PDPN: variants seen among roughly 807,000 people sequenced by gnomAD.
PDPN encodes the protein podoplanin, also known as PA2.26 antigen.
PDPN carries 12 observed loss-of-function variants against 23.2 expected under a neutral mutation model. The ratio of observed to expected loss-of-function variants is 0.52; its 90% CI spans 0.33 to 0.84. The LOEUF is 0.84. Ranked by LOEUF, PDPN falls within the 40% of genes least tolerant of loss-of-function variation. The pLI is 0.02. For missense variants in PDPN, 199 were observed against 212.2 expected, an observed-to-expected ratio of 0.94 and a Z score of 0.39; for synonymous variants, 77 against 76.7, an observed-to-expected ratio of 1.00 and a Z score of -0.02.
At chr1:13,613,656 A>T (rs371984942) in intron 3 of PDPN, 31 bp from the exon 4 acceptor site, 34 of 1,116,856 alleles carry the variant, frequency 3.0e-5, no homozygotes, top group Non-Finnish European at 4.6e-5. Flanking sequence ...AACCCTAATA[A>T]TTCTACATTA....
chr1:13,610,908 T>C (rs958167473), intron 3 of PDPN, among the ~76,000 whole-genome samples: 3 of 152,352 alleles, frequency 2.0e-5, no homozygotes, highest in Middle Eastern at 3.4e-3. Flanking sequence ...CTTGAGTTCA[T>C]GTCTGCATGC....
chr1:13,615,878 G>A (rs762594872), intron 5 of PDPN, 27 bp from the exon 6 acceptor site: 13 of 1,608,848 alleles, frequency 8.1e-6, no homozygotes, highest in Admixed American at 6.7e-5. Context: ...TAAGAGACAC[G>A]ACCGTCACCC....
At chr1:13,610,318 A>G in intron 2 of PDPN, 69 bp from the exon 3 acceptor site, 1 of 1,348,474 alleles carries the variant, frequency 7.4e-7, no homozygotes, top group African/African-American at 1.5e-5. Flanking sequence ...ATCCTTTTAT[A>G]AGGCAGGGGA....
At position 13,607,315 on chromosome 1, in the gene PDPN, C is replaced by T. The variant is rs1640816889; in HGVS notation, c.201+9C>T. 6.2e-7 allele frequency: 1 copy of T among 1,610,678 alleles called. No individual in the cohort carries two copies. The highest frequency in any genetic ancestry group is 8.5e-7 in the Non-Finnish European group (1 of 1,178,246). ...CTGGCTTGACAACTCTGGTCAGTGT[C>T]CTGGGAAGAGAGGAATTTTTTCCGT... On this transcript the variant is annotated intron_variant, in intron 2 of 5. Coordinates refer to ENST00000621990, the MANE Select transcript of PDPN (RefSeq NM_006474.5).
At chr1:13,600,310 C>T (rs1470412734) in intron 1 of PDPN, among the ~76,000 whole-genome samples, 4 of 151,990 alleles carry the variant, frequency 2.6e-5, no homozygotes, top group Admixed American at 2.0e-4. Context: ...TCCAGGGATG[C>T]GGTTAGAATA....
intron 1 of PDPN, among the ~76,000 whole-genome samples, chr1:13,600,750 G>T (rs964172301): frequency 6.6e-6 from 1 of 152,098 alleles, no homozygotes; most frequent in African/African-American, 2.4e-5. Context: ...CAAGACCCCT[G>T]TAATAAGGGG....
chr1:13,616,407 G>A lies in PDPN; in HGVS notation c.*496G>A, dbSNP rs12131411. 1,202 of 164,352 alleles carry A rather than the reference G, an allele frequency of 7.3e-3. 23 individuals are homozygous for A. Among genetic ancestry groups the A allele is most frequent in the East Asian group, 0.049 (278 of 5,672 alleles). The allele number at this position is 164,352 out of a possible 1,614,324, so 10.2% of individuals were successfully genotyped here. ...AATGTACACATTCTGGTCTAGTTTG[G>A]TCTATCTTTTAAAGCCTGATCTGGT... On this transcript the variant is annotated 3_prime_UTR_variant, in exon 6 of 6. Transcript: ENST00000621990.
At chr1:13,602,773 T>C (rs759311909) in intron 1 of PDPN, among the ~76,000 whole-genome samples, 1 of 152,064 alleles carries the variant, frequency 6.6e-6, no homozygotes, top group Non-Finnish European at 1.5e-5. Flanking sequence ...CTCACCATGT[T>C]GGCCAGGCTG....
chr1:13,593,294 TATG>T (rs753785171), intron 1 of PDPN, among the ~76,000 whole-genome samples: 84 of 152,118 alleles, frequency 5.5e-4, no homozygotes, highest in Non-Finnish European at 1.1e-3. Context: ...CGGCTTTAGA[TATG>T]ATGAGTTTGA....
At chr1:13,611,986 A>T (rs1287947755) in intron 3 of PDPN, among the ~76,000 whole-genome samples, 1 of 152,178 alleles carries the variant, frequency 6.6e-6, no homozygotes, top group Non-Finnish European at 1.5e-5. Context: ...TCTGCCATCC[A>T]TGTTGAATAT....
intron 1 of PDPN, among the ~76,000 whole-genome samples, chr1:13,596,306 G>C (rs546723185): frequency 6.6e-6 from 1 of 152,136 alleles, no homozygotes; most frequent in South Asian, 2.1e-4. Context: ...AGGAATCTAT[G>C]GGGCAGTGTG....
At chr1:13,608,565 A>T (rs1640852738) in intron 2 of PDPN, among the ~76,000 whole-genome samples, 1 of 152,098 alleles carries the variant, frequency 6.6e-6, no homozygotes, top group African/African-American at 2.4e-5. Flanking sequence ...TATAATTCTC[A>T]AGTTTGATGC....
At chr1:13,585,430 A>G (rs1162050092) in intron 1 of PDPN, 8 of 1,210,870 alleles carry the variant, frequency 6.6e-6, no homozygotes, top group Non-Finnish European at 8.6e-6. Context: ...CCACTGGAAT[A>G]TATACAGTTC....
intron 1 of PDPN, among the ~76,000 whole-genome samples, chr1:13,601,319 A>C (rs2100247239): frequency 6.6e-6 from 1 of 152,264 alleles, no homozygotes; most frequent in Non-Finnish European, 1.5e-5. Flanking sequence ...AGGCCACTTA[A>C]GCTGGGCCTT....
Position 13,614,287 on chromosome 1 carries a change from C to G in PDPN, c.371-13C>G, listed in dbSNP as rs1463386274. 1 of 1,428,520 alleles carries G rather than the reference C, an allele frequency of 7.0e-7. No homozygotes were observed. Among genetic ancestry groups the G allele is most frequent in the Non-Finnish European group, 9.8e-7 (1 of 1,022,052 alleles). 88.5% of individuals were successfully genotyped at this position (1,428,520 alleles called of 1,614,324 possible). A position where few individuals can be genotyped will look rare whatever the true frequency, so the allele number is the denominator to read the frequency against. ...CCTCTGGGGCTCATGCTTTTTTTCT[C>G]TCTCTTGTTCAGATGGTTTGTCAAC... On this transcript the variant is annotated splice_polypyrimidine_tract_variant and intron_variant, in intron 4 of 5. Coordinates refer to ENST00000621990, the MANE Select transcript of PDPN (RefSeq NM_006474.5).
intron 1 of PDPN, chr1:13,595,794 C>G: frequency 9.4e-7 from 1 of 1,060,548 alleles, no homozygotes; most frequent in South Asian, 1.3e-5. Flanking sequence ...AGGTGCCGTG[C>G]TATCTTCAGC....
chr1:13,600,565 A>G (rs1198600770), intron 1 of PDPN, among the ~76,000 whole-genome samples: 1 of 152,164 alleles, frequency 6.6e-6, no homozygotes, highest in Non-Finnish European at 1.5e-5. Flanking sequence ...GTGTTTCACC[A>G]CGTTGGCCAG....
intron 1 of PDPN, chr1:13,585,498 T>C: frequency 7.4e-7 from 1 of 1,346,088 alleles, no homozygotes; most frequent in Non-Finnish European, 9.8e-7. Flanking sequence ...CACCGTTTTG[T>C]GCTCACCAGG....
In PDPN at chr1:13,616,242, G is replaced by A. The variant is rs1225482032; in HGVS notation, c.*331G>A. ...GACCATTGGATCGATATTATATGCT[G>A]TAACCATGTGTCTCCGTCTGACCAT... On this transcript the variant is annotated 3_prime_UTR_variant, in exon 6 of 6. Transcript: ENST00000621990. 7 of 360,124 alleles carry A rather than the reference G, an allele frequency of 1.9e-5. No individual in the cohort carries two copies. Among genetic ancestry groups the A allele is most frequent in the African/African-American group, 1.4e-4 (7 of 48,370 alleles). The allele number at this position is 360,124 out of a possible 1,614,324, so 22.3% of individuals were successfully genotyped here.
Sources: gnomAD v4.1 joint callset for allele counts (sites outside exome capture counted in the v4.1 genomes callset) on GRCh38, gnomAD v4.1.1 for gene constraint, MANE v1.5 for transcripts, NCBI Gene and HGNC (gene_info 2026-07-23, HGNC 2026-07-21) for gene names.